The following C8orf34 variants were observed in gnomAD, a reference collection of about 807,000 sequenced individuals.
C8orf34 encodes the protein chromosome 8 open reading frame 34.
C8orf34 carries 65 observed loss-of-function variants against 68.3 expected under a neutral mutation model. The observed-to-expected ratio is 0.95, with a 90% CI of 0.78 to 1.17. The LOEUF (loss-of-function observed/expected upper bound fraction) is 1.17. Among genes scored for constraint, C8orf34 ranks in the 50% most tolerant of loss-of-function variants. The pLI, the probability that C8orf34 is intolerant of heterozygous loss-of-function variation, is 0.00. For synonymous variants in C8orf34, 244 were observed against 241.2 expected (o/e 1.01, Z -0.11); for missense variants, 664 against 655.4 (o/e 1.01, Z -0.14).
chr8:68,816,609 A>G (rs777628855), intron 13 of C8orf34, among the ~76,000 whole-genome samples: 3 of 152,080 alleles, frequency 2.0e-5, no homozygotes, highest in Non-Finnish European at 2.9e-5. Flanking sequence ...ACTCTACATA[A>G]ACACCTTGAG....
intron 8 of C8orf34, among the ~76,000 whole-genome samples, chr8:68,684,899 A>C (rs1330015767): frequency 6.6e-6 from 1 of 152,098 alleles, no homozygotes; most frequent in Non-Finnish European, 1.5e-5. Context: ...AAGGAAAATT[A>C]TGTTGGAGTT....
intron 7 of C8orf34, among the ~76,000 whole-genome samples, chr8:68,636,023 G>C (rs914094045): frequency 6.6e-6 from 1 of 152,176 alleles, no homozygotes; most frequent in African/African-American, 2.4e-5. Context: ...CATGCGGGGG[G>C]AGTAGGAAAA....
intron 3 of C8orf34, among the ~76,000 whole-genome samples, chr8:68,452,332 T>C (rs1028178364): frequency 6.6e-6 from 1 of 151,616 alleles, no homozygotes; most frequent in Non-Finnish European, 1.5e-5. Flanking sequence ...GCCAACTTTT[T>C]TTCAAAGAAG....
intron 8 of C8orf34, among the ~76,000 whole-genome samples, chr8:68,681,544 C>T (rs141778309): frequency 4.2e-4 from 64 of 152,214 alleles, no homozygotes; most frequent in Admixed American, 2.2e-3. Flanking sequence ...GAAAAGGGAG[C>T]ATTTGCACAC....
At chr8:68,505,072 C>T (rs1466525907) in intron 5 of C8orf34, among the ~76,000 whole-genome samples, 3 of 151,858 alleles carry the variant, frequency 2.0e-5, no homozygotes, top group African/African-American at 7.3e-5. Flanking sequence ...GCCTTGGCCT[C>T]CCAAAGTGCA....
chr8:68,672,812 A>C (rs1466178759), intron 8 of C8orf34, among the ~76,000 whole-genome samples: 1 of 152,156 alleles, frequency 6.6e-6, no homozygotes, highest in East Asian at 1.9e-4. Context: ...TGCTTGCACT[A>C]TTCCTCTCCC....
intron 7 of C8orf34, among the ~76,000 whole-genome samples, chr8:68,599,881 C>T (rs951109519): frequency 6.6e-6 from 1 of 151,858 alleles, no homozygotes; most frequent in Non-Finnish European, 1.5e-5. Context: ...GACACACACA[C>T]AAACACACAC....
At chr8:68,816,020 T>C in intron 13 of C8orf34, 75 bp downstream of exon 13, 13 of 1,610,082 alleles carry the variant, frequency 8.1e-6, no homozygotes, top group Non-Finnish European at 1.0e-5. Flanking sequence ...AGGATTTGTA[T>C]TAAAAAAGTA....
At chr8:68,592,962 T>G (rs910112939) in intron 7 of C8orf34, among the ~76,000 whole-genome samples, 2 of 152,124 alleles carry the variant, frequency 1.3e-5, no homozygotes, top group Non-Finnish European at 2.9e-5. Flanking sequence ...GTGGTGGGCT[T>G]CATTGTCTTG....
chr8:68,393,985 G>A (rs1362779620), intron 1 of C8orf34, among the ~76,000 whole-genome samples: 1 of 152,118 alleles, frequency 6.6e-6, no homozygotes, highest in East Asian at 1.9e-4. Context: ...ATAATGAAAT[G>A]TTACCAGTAA....
chr8:68,719,999 T>C (rs1055199596), intron 9 of C8orf34, among the ~76,000 whole-genome samples: 1 of 151,970 alleles, frequency 6.6e-6, no homozygotes, highest in African/African-American at 2.4e-5. Context: ...TATTGTCAGC[T>C]TTACAATTGG....
intron 1 of C8orf34, among the ~76,000 whole-genome samples, chr8:68,367,665 C>G (rs1228230708): frequency 7.1e-6 from 1 of 140,770 alleles, no homozygotes; most frequent in African/African-American, 2.7e-5. Context: ...AACCAAACAC[C>G]ACATATTCTC....
chr8:68,742,141 C>T (rs755127335), intron 10 of C8orf34, among the ~76,000 whole-genome samples: 2 of 152,166 alleles, frequency 1.3e-5, no homozygotes, highest in Non-Finnish European at 2.9e-5. Context: ...ATCAGTCCCA[C>T]TCTTCCTCTT....
chr8:68,532,273 C>A (rs1586331248), intron 6 of C8orf34, among the ~76,000 whole-genome samples: 1 of 152,196 alleles, frequency 6.6e-6, no homozygotes, highest in Non-Finnish European at 1.5e-5. Context: ...GTTATAGCAC[C>A]ATCTGATACT....
chr8:68,673,774 G>T (rs942122143), intron 8 of C8orf34, among the ~76,000 whole-genome samples: 3 of 152,156 alleles, frequency 2.0e-5, no homozygotes, highest in Admixed American at 6.5e-5. Context: ...GAGCCCCACA[G>T]CTCTGAATGA....
chr8:68,613,859 C>T lies in C8orf34; in HGVS notation c.1106-26517C>T, dbSNP rs201446003. Among the ~76,000 whole-genome samples the T allele has an allele frequency of 1.7e-3, 253 of 151,504 alleles. 3 individuals carry two copies. The highest frequency in any genetic ancestry group is 5.3e-3 in the African/African-American group (219 of 41,248). On this transcript the variant is annotated intron_variant, in intron 7 of 13. Coordinates refer to ENST00000518698, the MANE Select transcript of C8orf34 (RefSeq NM_052958.4). ...TTCTAGTTCTAGATCCCTGAGGAATCGCCACACTGACTTCCACAATGGTTG... is the reference window on the plus strand; with the variant it reads ...TTCTAGTTCTAGATCCCTGAGGAATTGCCACACTGACTTCCACAATGGTTG...
At chr8:68,561,373 C>A (rs979484685) in intron 7 of C8orf34, among the ~76,000 whole-genome samples, 1 of 152,048 alleles carries the variant, frequency 6.6e-6, no homozygotes, top group Non-Finnish European at 1.5e-5. Flanking sequence ...AAAAAAAAAT[C>A]TTTCCTTTGT....
chr8:68,787,525 A>T lies in C8orf34; in HGVS notation c.1538A>T (p.Glu513Val). 6.2e-7 allele frequency: 1 copy of T among 1,608,666 alleles called. No individual in the cohort carries two copies. The highest frequency in any genetic ancestry group is 8.5e-7 in the Non-Finnish European group (1 of 1,176,386). Reference sequence around the variant, plus strand: ...ACAGAAAGTGAAGGAGTGGAAGCAGAACAAGAGAAACGTGAGTAGACACTA... The same window carrying T: ...ACAGAAAGTGAAGGAGTGGAAGCAGTACAAGAGAAACGTGAGTAGACACTA... ...SDTESEGVEA[E>V]QEKRSADLLL... The change falls in exon 12 of 14, where the codon GAA becomes GTA. Residue 513 changes from glutamate to valine, a missense_variant. Transcript: ENST00000518698.
At chr8:68,741,146 C>A (rs11996274) in intron 10 of C8orf34, among the ~76,000 whole-genome samples, 1 of 151,826 alleles carries the variant, frequency 6.6e-6, no homozygotes, top group Admixed American at 6.6e-5. Flanking sequence ...AGCTGGATGA[C>A]GAAATAACGT....
Sources: gnomAD v4.1 joint callset for allele counts (sites outside exome capture counted in the v4.1 genomes callset) on GRCh38, gnomAD v4.1.1 for gene constraint, MANE v1.5 for transcripts, NCBI Gene and HGNC (gene_info 2026-07-23, HGNC 2026-07-21) for gene names.